The following ZFHX3 variants were observed in gnomAD, a reference collection of about 807,000 sequenced individuals.
ZFHX3 encodes zinc finger homeobox protein 3.
A neutral mutation model predicts 279.1 loss-of-function variants in ZFHX3; 42 were observed. The observed-to-expected ratio is 0.15, with a 90% CI of 0.12 to 0.19. The LOEUF is 0.19. Ranked by LOEUF, ZFHX3 falls within the 10% of genes least tolerant of loss-of-function variation. The pLI is 1.00. For synonymous variants in ZFHX3, 2,293 were observed against 1,957.8 expected, an observed-to-expected ratio of 1.17 and a Z score of -4.52; for missense variants, 4,981 against 4,754.0, an observed-to-expected ratio of 1.05 and a Z score of -1.40.
chr16:73,736,223 T>C (rs1476601031), intron 1 of ZFHX3, among the ~76,000 whole-genome samples: 1 of 152,198 alleles, frequency 6.6e-6, no homozygotes, highest in East Asian at 1.9e-4. Context: ...GTCACCCTTG[T>C]ACATTTTCAG....
chr16:73,749,085 G>T (rs1044992905), intron 1 of ZFHX3, among the ~76,000 whole-genome samples: 12 of 151,806 alleles, frequency 7.9e-5, no homozygotes, highest in African/African-American at 2.9e-4. Context: ...ACCATGCCCG[G>T]CCCCAAACTC....
At chr16:72,920,682 T>TA (rs890168978) in intron 3 of ZFHX3, among the ~76,000 whole-genome samples, 12 of 149,046 alleles carry the variant, frequency 8.1e-5, no homozygotes, top group East Asian at 3.9e-4. Context: ...AAAAAAAAAT[T>TA]AAAAAAAAAC....
chr16:72,844,589 C>T (rs1051881532), intron 4 of ZFHX3, among the ~76,000 whole-genome samples: 1 of 152,086 alleles, frequency 6.6e-6, no homozygotes, highest in African/African-American at 2.4e-5. Flanking sequence ...GGGTGGGTGT[C>T]CCTTTGCTGT....
chr16:73,874,465 C>G (rs2029890646), intron 1 of ZFHX3, among the ~76,000 whole-genome samples: 1 of 152,122 alleles, frequency 6.6e-6, no homozygotes, highest in Admixed American at 6.5e-5. Flanking sequence ...TTTATTCTTT[C>G]CAGCTGCATG....
At chr16:73,680,520 T>C (rs2052999246) in intron 1 of ZFHX3, among the ~76,000 whole-genome samples, 1 of 152,206 alleles carries the variant, frequency 6.6e-6, no homozygotes, top group African/African-American at 2.4e-5. Flanking sequence ...TGGAAAACCA[T>C]TTCACATTAA....
intron 7 of ZFHX3, among the ~76,000 whole-genome samples, chr16:73,105,440 C>CAT (rs1567389918): frequency 2.7e-5 from 3 of 109,600 alleles, no homozygotes; most frequent in East Asian, 4.0e-4. Context: ...TATACACACA[C>CAT]ACACATATAT....
intron 2 of ZFHX3, among the ~76,000 whole-genome samples, chr16:73,511,125 G>A (rs149297395): frequency 4.0e-4 from 61 of 152,290 alleles, no homozygotes; most frequent in Non-Finnish European, 7.2e-4. Flanking sequence ...GGCTGAGAAC[G>A]GAAGTTAATG....
chr16:72,950,499 G>A lies in ZFHX3; in HGVS notation c.3186C>T (p.Ser1062=). ...LEKLRLHTVN[S]RHEASLKLYK... The stretch of plus-strand genomic sequence containing the variant: ...ACAACTTCAGGCTGGCCTCGTGCCT[G>A]GAGTTGACCGTGTGCAGCCGCAGCT... The change falls in exon 3 of 10, where the codon TCC becomes TCT. Residue 1062 remains serine (S), a synonymous_variant. Transcript: ENST00000268489. 6.2e-7 allele frequency: 1 copy of A among 1,614,140 alleles called. No individual in the cohort carries two copies. Among genetic ancestry groups the A allele is most frequent in the Non-Finnish European group, 8.5e-7 (1 of 1,179,964 alleles).
intron 2 of ZFHX3, among the ~76,000 whole-genome samples, chr16:73,660,551 C>G (rs1004063761): frequency 1.3e-5 from 2 of 152,108 alleles, no homozygotes; most frequent in African/African-American, 4.8e-5. Context: ...TTTATATAAA[C>G]ATTAAAGATT....
At chr16:73,411,517 G>T (rs1303000576) in intron 3 of ZFHX3, among the ~76,000 whole-genome samples, 1 of 152,004 alleles carries the variant, frequency 6.6e-6, no homozygotes, top group Non-Finnish European at 1.5e-5. Context: ...TTTTTTTCAG[G>T]ATCACATTAA....
At chr16:73,249,452 T>C (rs1049611458) in intron 5 of ZFHX3, among the ~76,000 whole-genome samples, 3 of 152,132 alleles carry the variant, frequency 2.0e-5, no homozygotes, top group African/African-American at 7.2e-5. Flanking sequence ...AAAAGGCATG[T>C]CTTACATGGC....
rs144122196 is a variant in ZFHX3, at chr16:73,016,213, C to A, written c.-50+31539G>T. Among the ~76,000 whole-genome samples the A allele has an allele frequency of 1.5e-3, 229 of 152,276 alleles. 1 individual carries two copies. Among genetic ancestry groups the A allele is most frequent in the South Asian group, 8.9e-3 (43 of 4,816 alleles). On this transcript the variant is annotated intron_variant, in intron 1 of 9. Coordinates refer to ENST00000268489, the MANE Select transcript of ZFHX3 (RefSeq NM_006885.4). ...TTCTCCCACTCCTGCATGTTTGTTG[C>A]CACTTCCCCATTTTGTGTTAACAAT...
rs2035556478 is a variant in ZFHX3, at chr16:72,788,516, G to A, written c.9760C>T (p.Leu3254=). The change falls in exon 10 of 10, where the codon CTG becomes TTG. Residue 3254 remains leucine (L), a synonymous_variant. Transcript: ENST00000268489. ...CCTTTCTCCTTCTTGGGGACAGGCA[G>A]GGGTTCCCCTTTCCCTTTGTGTGCC... ...EKAHKGKGEP[L]PVPKKEKGEA... The A allele has an allele frequency of 1.2e-6, 2 of 1,614,202 alleles. No individual in the cohort carries two copies. The highest frequency in any genetic ancestry group is 1.1e-5 in the South Asian group (1 of 91,086).
At chr16:73,378,319 T>C (rs950079774) in intron 3 of ZFHX3, among the ~76,000 whole-genome samples, 1 of 152,198 alleles carries the variant, frequency 6.6e-6, no homozygotes, top group African/African-American at 2.4e-5. Flanking sequence ...ATTTACTTGA[T>C]AACACATAAA....
In ZFHX3 at chr16:72,784,963, G is replaced by GTCTT. The variant is rs1216286543; in HGVS notation, c.*2197_*2200dup. ...CATTTTCAGATCTTGGAATGCTCCA[G>GTCTT]TCTTTTGCAAAGTCGATGAGTGGCT... On this transcript the variant is annotated 3_prime_UTR_variant, in exon 10 of 10. Transcript: ENST00000268489. 7 of 152,538 alleles carry GTCTT rather than the reference G, an allele frequency of 4.6e-5. No homozygotes were observed. The highest frequency in any genetic ancestry group is 3.3e-4 in the Admixed American group (5 of 15,284). 9.4% of individuals were successfully genotyped at this position (152,538 alleles called of 1,614,324 possible). A position where few individuals can be genotyped will look rare whatever the true frequency, so the allele number is the denominator to read the frequency against.
intron 1 of ZFHX3, among the ~76,000 whole-genome samples, chr16:73,798,003 T>C (rs1960044310): frequency 1.3e-5 from 2 of 151,950 alleles, no homozygotes; most frequent in Admixed American, 1.3e-4. Context: ...GACATGGGGT[T>C]TCACCATGTT....
intron 2 of ZFHX3, among the ~76,000 whole-genome samples, chr16:73,646,705 G>A (rs1294782737): frequency 6.6e-6 from 1 of 152,096 alleles, no homozygotes; most frequent in Non-Finnish European, 1.5e-5. Context: ...GACAAACTTC[G>A]AAACCTCCGT....
chr16:73,706,906 T>C (rs1477833973), intron 1 of ZFHX3, among the ~76,000 whole-genome samples: 1 of 152,218 alleles, frequency 6.6e-6, no homozygotes, highest in East Asian at 1.9e-4. Context: ...TCTGCTATTC[T>C]TACTTTAACG....
At position 73,861,126 on chromosome 16, in the gene ZFHX3, G is replaced by A. The variant is rs145992559; in HGVS notation, c.-1608+30525C>T. Among the ~76,000 whole-genome samples, 803 of 151,956 alleles carry A rather than the reference G, an allele frequency of 5.3e-3. 5 individuals carry two copies. Among genetic ancestry groups the A allele is most frequent in the African/African-American group, 0.018 (749 of 41,422 alleles). On this transcript the variant is annotated intron_variant, in intron 1 of 17. Transcript: ENST00000641206. ...CTACAGGCAAGTGCCACCACACCTGGATGGTTTTTTTTGTATTTTTGTACA... is the reference window on the plus strand; with the variant it reads ...CTACAGGCAAGTGCCACCACACCTGAATGGTTTTTTTTGTATTTTTGTACA...
Sources: gnomAD v4.1 joint callset for allele counts (sites outside exome capture counted in the v4.1 genomes callset) on GRCh38, gnomAD v4.1.1 for gene constraint, MANE v1.5 for transcripts, NCBI Gene and HGNC (gene_info 2026-07-23, HGNC 2026-07-21) for gene names.